The following CTDP1 variants were observed in gnomAD, a reference collection of about 807,000 sequenced individuals.
The protein encoded by CTDP1 is CTD phosphatase 1.
Under a neutral mutation model 91.8 loss-of-function variants are expected in CTDP1, and 47 were observed. The ratio of observed to expected loss-of-function variants is 0.51; its 90% CI spans 0.41 to 0.65. CTDP1 has a LOEUF of 0.65. CTDP1 is among the 30% of genes least tolerant of loss of function. CTDP1 has a pLI of 0.00. For synonymous variants in CTDP1, 656 were observed against 598.5 expected (o/e 1.10, Z -1.40); for missense variants, 1,272 against 1,373.7 (o/e 0.93, Z 1.17).
At chr18:79,686,139 A>C (rs2085489002) in intron 1 of CTDP1, among the ~76,000 whole-genome samples, 1 of 152,176 alleles carries the variant, frequency 6.6e-6, no homozygotes. Context: ...GGTATCTCCG[A>C]TCTAATCTTT....
intron 10 of CTDP1, among the ~76,000 whole-genome samples, chr18:79,721,137 A>G (rs778025214): frequency 2.0e-5 from 3 of 151,984 alleles, no homozygotes; most frequent in Non-Finnish European, 2.9e-5. Flanking sequence ...GAAGCCTCCT[A>G]CCCTGGAGCC....
intron 1 of CTDP1, 54 bp downstream of exon 1, chr18:79,680,315 C>G: frequency 8.2e-7 from 1 of 1,224,028 alleles, no homozygotes; most frequent in Non-Finnish European, 1.0e-6. Context: ...GGGAGGGATC[C>G]TGGAGGACCC....
rs532319306 is a variant in CTDP1, at chr18:79,739,454, C to T, written c.2747+2933C>T. Among the ~76,000 whole-genome samples, 482 of 151,910 alleles carry T rather than the reference C, an allele frequency of 3.2e-3. 2 individuals are homozygous for T. Among genetic ancestry groups the T allele is most frequent in the African/African-American group, 0.01 (420 of 41,452 alleles). On this transcript the variant is annotated intron_variant, in intron 12 of 12. Coordinates refer to ENST00000613122, the MANE Select transcript of CTDP1 (RefSeq NM_004715.5). Reference sequence around the variant, plus strand: ...CTGCGCACGGCAGAACTGACCCTCACGGGTGAAACCACGCAAGCACGATTA... The same window carrying T: ...CTGCGCACGGCAGAACTGACCCTCATGGGTGAAACCACGCAAGCACGATTA...
At chr18:79,688,079 A>G (rs1468798565) in intron 1 of CTDP1, among the ~76,000 whole-genome samples, 1 of 152,190 alleles carries the variant, frequency 6.6e-6, no homozygotes, top group East Asian at 1.9e-4. Flanking sequence ...CCACAGTTTC[A>G]GTAACCGCTG....
rs372922695 is a variant in CTDP1 at position 79,681,984 on chromosome 18, C to T, written c.314+1723C>T. On this transcript the variant is annotated intron_variant, in intron 1 of 12. Coordinates refer to ENST00000613122, the MANE Select transcript of CTDP1 (RefSeq NM_004715.5). ...CAGCATTTCCGGAGGTGTTCCTGCCCGTGCAGTGGGCGTGGGTGCCATAGA... is the reference window on the plus strand; with the variant it reads ...CAGCATTTCCGGAGGTGTTCCTGCCTGTGCAGTGGGCGTGGGTGCCATAGA... Among the ~76,000 whole-genome samples, 45 of 152,162 alleles carry T rather than the reference C, an allele frequency of 3.0e-4. No homozygotes were observed. In the East Asian group the frequency reaches 8.3e-3, roughly 28 times the overall value.
At chr18:79,693,860 C>G (rs2085677048) in intron 1 of CTDP1, among the ~76,000 whole-genome samples, 1 of 147,138 alleles carries the variant, frequency 6.8e-6, no homozygotes, top group Non-Finnish European at 1.5e-5. Context: ...TCCGAGTCTC[C>G]CTGAAGGATG....
At chr18:79,737,810 G>A (rs1168323733) in intron 12 of CTDP1, among the ~76,000 whole-genome samples, 8 of 152,126 alleles carry the variant, frequency 5.3e-5, no homozygotes, top group Admixed American at 3.3e-4. Context: ...GCCAGGATTT[G>A]GGGGTGTGGA....
intron 4 of CTDP1, among the ~76,000 whole-genome samples, chr18:79,699,193 C>T (rs114336637): frequency 0.014 from 2,185 of 152,244 alleles, 65 homozygotes; most frequent in African/African-American, 0.05. Flanking sequence ...TTCTTCTGTG[C>T]AGTATAAACT....
intron 11 of CTDP1, among the ~76,000 whole-genome samples, chr18:79,734,572 C>T (rs1280427126): frequency 6.6e-6 from 1 of 151,092 alleles, no homozygotes; most frequent in Non-Finnish European, 1.5e-5. Context: ...GAGGCCCTCC[C>T]AGGTGGGGCG....
chr18:79,731,309 G>A (rs1008086295), intron 11 of CTDP1, among the ~76,000 whole-genome samples: 1 of 152,226 alleles, frequency 6.6e-6, no homozygotes, highest in Admixed American at 6.5e-5. Flanking sequence ...GTGGGCATTG[G>A]CTGCTCCAGT....
At chr18:79,708,315 A>G (rs2086009233) in intron 5 of CTDP1, among the ~76,000 whole-genome samples, 7 of 152,250 alleles carry the variant, frequency 4.6e-5, no homozygotes, top group Admixed American at 4.6e-4. Context: ...ACCTGTATCA[A>G]AAACAGCAAA....
chr18:79,748,041 G>A (rs1374698212), intron 12 of CTDP1, among the ~76,000 whole-genome samples: 3 of 152,146 alleles, frequency 2.0e-5, no homozygotes, highest in African/African-American at 7.2e-5. Flanking sequence ...AAATGTTAAA[G>A]CTGTAAATTT....
At chr18:79,688,977 A>C (rs2122419303) in intron 1 of CTDP1, among the ~76,000 whole-genome samples, 1 of 152,336 alleles carries the variant, frequency 6.6e-6, no homozygotes, top group South Asian at 2.1e-4. Flanking sequence ...ATGCACACGC[A>C]CATTTTTCTG....
chr18:79,750,031 G>A (rs998102196), intron 12 of CTDP1: 4 of 151,862 alleles, frequency 2.6e-5, no homozygotes, highest in Admixed American at 6.6e-5. Context: ...GCAAACAGCA[G>A]GCGGTGCCCA....
chr18:79,748,863 GCCGTT>G, intron 12 of CTDP1, among the ~76,000 whole-genome samples: 2 of 151,900 alleles, frequency 1.3e-5, no homozygotes, highest in African/African-American at 4.8e-5. Context: ...CTGTGTGTGA[GCCGTT>G]CTGTGTGTTT....
intron 10 of CTDP1, among the ~76,000 whole-genome samples, chr18:79,721,773 A>C (rs1472542465): frequency 1.3e-5 from 2 of 152,064 alleles, no homozygotes; most frequent in African/African-American, 2.4e-5. Flanking sequence ...TTTTCTTAAT[A>C]ATTTAAAATA....
upstream of CTDP1, chr18:79,679,523 C>T (rs1232338228): frequency 4.4e-6 from 2 of 458,762 alleles, no homozygotes; most frequent in Non-Finnish European, 8.7e-6. Context: ...ACTCGTAGTC[C>T]CGCCATGCTC....
chr18:79,719,840 T>C (rs2086299008), intron 10 of CTDP1, among the ~76,000 whole-genome samples: 1 of 147,752 alleles, frequency 6.8e-6, no homozygotes, highest in African/African-American at 2.5e-5. Flanking sequence ...CTCCTGCTGT[T>C]AGGAAGGCGT....
intron 11 of CTDP1, among the ~76,000 whole-genome samples, chr18:79,733,182 T>C (rs983688587): frequency 6.6e-6 from 1 of 152,080 alleles, no homozygotes; most frequent in Non-Finnish European, 1.5e-5. Flanking sequence ...AGGACGGGTG[T>C]GCGTTTGTCG....
Sources: allele counts gnomAD v4.1 joint callset (sites outside exome capture counted in the v4.1 genomes callset), GRCh38; gene constraint gnomAD v4.1.1; transcripts MANE v1.5; gene names NCBI Gene and HGNC (gene_info 2026-07-23, HGNC 2026-07-21).